The following CTNNAL1 variants were observed in gnomAD, a reference collection of about 807,000 sequenced individuals.
CTNNAL1 encodes catenin alpha like 1, also known as alpha-catulin.
CTNNAL1 carries 69 observed loss-of-function variants against 93.6 expected under a neutral mutation model. That is an observed-to-expected ratio of 0.74 (90% confidence interval 0.61 to 0.90). The LOEUF (loss-of-function observed/expected upper bound fraction) is 0.90. Ranked by LOEUF, CTNNAL1 falls within the 40% of genes least tolerant of loss-of-function variation. The pLI is 0.00. For synonymous variants in CTNNAL1, 286 were observed against 305.4 expected, an observed-to-expected ratio of 0.94 and a Z score of 0.66; for missense variants, 836 against 862.0, an observed-to-expected ratio of 0.97 and a Z score of 0.38.
intron 1 of CTNNAL1, 125 bp from the exon 2 acceptor site, chr9:108,999,381 G>A (rs927204445): frequency 1.1e-6 from 1 of 890,940 alleles, no homozygotes; most frequent in Non-Finnish European, 1.6e-6. Context: ...AATAGTTAGA[G>A]ATGCTTCAAC....
chr9:109,010,247 T>A (rs568745460), intron 1 of CTNNAL1, among the ~76,000 whole-genome samples: 1 of 152,314 alleles, frequency 6.6e-6, no homozygotes, highest in East Asian at 1.9e-4. Flanking sequence ...GATTTTAGTA[T>A]CCTACACTCA....
At chr9:108,989,471 A>G (rs1831719091) in intron 4 of CTNNAL1, among the ~76,000 whole-genome samples, 1 of 152,202 alleles carries the variant, frequency 6.6e-6, no homozygotes, top group Non-Finnish European at 1.5e-5. Context: ...CATTGGTATT[A>G]CAAACCAATG....
intron 6 of CTNNAL1, among the ~76,000 whole-genome samples, chr9:108,981,239 T>G (rs371754269): frequency 1.3e-5 from 2 of 152,202 alleles, no homozygotes; most frequent in South Asian, 2.1e-4. Context: ...CCTTCAGCAT[T>G]TATAAAAAGG....
chr9:108,987,797 A>C (rs1461320859), intron 4 of CTNNAL1, among the ~76,000 whole-genome samples: 2 of 152,140 alleles, frequency 1.3e-5, no homozygotes, highest in African/African-American at 4.8e-5. Flanking sequence ...GCAATTGTGA[A>C]TGGGAGTTCA....
In CTNNAL1 at chr9:108,952,263, A is replaced by T. The variant is rs1235407663; in HGVS notation, c.1781T>A (p.Val594Asp). ...EKWEDQENEI[V>D]QYGRNMSSMA... is the part of the protein sequence containing the mutation. ...ACTGGACATGTTCCGTCCATATTGA[A>T]CAATCTCATTCTCCTGATCTTCCCA... is the stretch of plus-strand genomic sequence containing the variant. Residue 594 changes from valine (V) to aspartate (D), a missense_variant, in exon 14 of 19, where the codon GTT (valine) becomes GAT (aspartate). Val to Asp is a radical substitution (Grantham distance 152). Coordinates refer to ENST00000325551, the MANE Select transcript of CTNNAL1 (RefSeq NM_003798.4). 6.2e-7 allele frequency: 1 copy of T among 1,614,092 alleles called. No individual in the cohort carries two copies. The highest frequency in any genetic ancestry group is 8.5e-7 in the Non-Finnish European group (1 of 1,180,020).
intron 3 of CTNNAL1, chr9:108,991,959 T>C: frequency 1.5e-6 from 1 of 681,128 alleles, no homozygotes; most frequent in Non-Finnish European, 2.7e-6. Context: ...CTGTAAGTTT[T>C]GAGATTATTC....
chr9:109,011,037 T>C (rs17729523), intron 1 of CTNNAL1, among the ~76,000 whole-genome samples: 33,698 of 152,194 alleles, frequency 0.22, 4,558 homozygotes, highest in Admixed American at 0.3. Context: ...GCTTAAAATA[T>C]CCTTGTGGAT....
Position 108,944,110 on chromosome 9 carries a change from T to A in CTNNAL1, c.1885-92A>T, listed in dbSNP as rs1365670584. The stretch of plus-strand genomic sequence containing the variant: ...TACTAATAATTTTTACGTAGAATTT[T>A]AAAAATAAAGCCTAGATATAAAAAG... On this transcript the variant is annotated intron_variant, in intron 15 of 18. Transcript: ENST00000325551. 9.6e-6 allele frequency: 12 copies of A among 1,249,612 alleles called. No homozygotes were observed. In the African/African-American group the frequency reaches 1.1e-4, roughly 11 times the overall value. The allele number at this position is 1,249,612 out of a possible 1,614,324, so 77.4% of individuals were successfully genotyped here.
chr9:108,961,436 C>G (rs1830818830), intron 11 of CTNNAL1, among the ~76,000 whole-genome samples: 1 of 152,134 alleles, frequency 6.6e-6, no homozygotes, highest in South Asian at 2.1e-4. Context: ...CAACCAACTC[C>G]ATCTCAGTGA....
rs1341812027 is a variant in CTNNAL1 at position 109,003,830 on chromosome 9, G to A, written c.142-4574C>T. Among the ~76,000 whole-genome samples the A allele has an allele frequency of 2.0e-5, 3 of 152,278 alleles. No homozygotes were observed. In the South Asian group the frequency reaches 6.2e-4, roughly 32 times the overall value. On this transcript the variant is annotated intron_variant, in intron 1 of 18. Coordinates refer to ENST00000325551, the MANE Select transcript of CTNNAL1 (RefSeq NM_003798.4). ...TTGTGACTTTGGAGAGGATATGGATGGGAAGAGGTTACTTGCAGGTGAGAA... is the reference window on the plus strand; with the variant it reads ...TTGTGACTTTGGAGAGGATATGGATAGGAAGAGGTTACTTGCAGGTGAGAA...
chr9:108,951,869 G>A (rs1830573738), intron 14 of CTNNAL1, among the ~76,000 whole-genome samples: 1 of 152,122 alleles, frequency 6.6e-6, no homozygotes, highest in South Asian at 2.1e-4. Flanking sequence ...GTCAATCACT[G>A]TATAAAGGCA....
In CTNNAL1 at chr9:108,992,095, A is replaced by G. The variant is rs778279034; in HGVS notation, c.519+537T>C. The G allele has an allele frequency of 6.5e-6, 5 of 765,248 alleles. No homozygotes were observed. In the Admixed American group the frequency reaches 8.7e-5, roughly 13 times the overall value. 47.4% of individuals were successfully genotyped at this position (765,248 alleles called of 1,614,324 possible). On this transcript the variant is annotated intron_variant, in intron 3 of 18. Coordinates refer to ENST00000325551, the MANE Select transcript of CTNNAL1 (RefSeq NM_003798.4). ...GATTTGGGAGGGAAAAAAAGTACAG[A>G]AGAATTCAGTATTTTTATCAACTAG... is the stretch of plus-strand genomic sequence containing the variant.
At chr9:108,967,484 T>C (rs1037408993) in intron 10 of CTNNAL1, among the ~76,000 whole-genome samples, 3 of 152,148 alleles carry the variant, frequency 2.0e-5, no homozygotes, top group Non-Finnish European at 4.4e-5. Flanking sequence ...CAGCTGTGAA[T>C]GAAACAGATA....
chr9:108,972,864 G>GGGCGCCCCCCCCCCC, intron 8 of CTNNAL1, 31 bp from the exon 9 acceptor site: 2 of 142,572 alleles, frequency 1.4e-5, no homozygotes, highest in Non-Finnish European at 2.0e-5. Flanking sequence ...GGGGGGGTGG[G>GGGCGCCCCCCCCCCC]AGGGTGGAGA....
Position 108,987,977 on chromosome 9 carries a change from G to A in CTNNAL1, c.639+2749C>T, listed in dbSNP as rs181826141. Among the ~76,000 whole-genome samples the A allele has an allele frequency of 8.8e-3, 1,333 of 152,278 alleles. 13 individuals are homozygous for A. The highest frequency in any genetic ancestry group is 0.011 in the Non-Finnish European group (760 of 68,014). On this transcript the variant is annotated intron_variant, in intron 4 of 18. Transcript: ENST00000325551. ...TATACAATCATGTCATCTGCAAACA[G>A]GGACAATTTGACTTCCTCTTTTCCT... is the stretch of plus-strand genomic sequence containing the variant.
At chr9:109,002,755 A>G (rs1391132809) in intron 1 of CTNNAL1, among the ~76,000 whole-genome samples, 1 of 151,998 alleles carries the variant, frequency 6.6e-6, no homozygotes, top group Admixed American at 6.6e-5. Flanking sequence ...AGGCCGAGGC[A>G]GGCAGATCAC....
intron 17 of CTNNAL1, among the ~76,000 whole-genome samples, chr9:108,943,318 A>G (rs1330913695): frequency 2.0e-5 from 3 of 152,158 alleles, no homozygotes; most frequent in Non-Finnish European, 4.4e-5. Flanking sequence ...GCTTCTCAAA[A>G]CACTCCAAAT....
intron 1 of CTNNAL1, among the ~76,000 whole-genome samples, chr9:109,006,653 A>G (rs1051155078): frequency 6.6e-6 from 1 of 152,210 alleles, no homozygotes; most frequent in East Asian, 1.9e-4. Flanking sequence ...TGAACCAGAG[A>G]AGAGGGCAGA....
chr9:108,978,327 C>G (rs1373338141), intron 7 of CTNNAL1, among the ~76,000 whole-genome samples: 1 of 152,208 alleles, frequency 6.6e-6, no homozygotes, highest in Non-Finnish European at 1.5e-5. Flanking sequence ...AAGAAAACAT[C>G]AGAGAAATCT....
Sources: allele counts gnomAD v4.1 joint callset (sites outside exome capture counted in the v4.1 genomes callset), GRCh38; gene constraint gnomAD v4.1.1; transcripts MANE v1.5; gene names NCBI Gene and HGNC (gene_info 2026-07-23, HGNC 2026-07-21).